The following TENM2 variants were observed in gnomAD, a reference collection of about 807,000 sequenced individuals.
TENM2 encodes teneurin transmembrane protein 2.
A neutral mutation model predicts 245.2 loss-of-function variants in TENM2; 52 were observed. The ratio of observed to expected loss-of-function variants is 0.21; its 90% CI spans 0.17 to 0.27. The LOEUF is 0.27. TENM2 is among the 10% of genes least tolerant of loss of function. The pLI is 1.00. For synonymous variants in TENM2, 1,363 were observed against 1,438.9 expected (o/e 0.95, Z 1.19); for missense variants, 3,046 against 3,666.8 (o/e 0.83, Z 4.37).
At chr5:167,526,952 A>G (rs1468149430) in intron 2 of TENM2, among the ~76,000 whole-genome samples, 13 of 152,048 alleles carry the variant, frequency 8.5e-5, no homozygotes, top group African/African-American at 7.2e-5. Flanking sequence ...CTGACCCACA[A>G]TACATCAAAA....
chr5:168,000,299 G>C (rs1362266363), intron 5 of TENM2, among the ~76,000 whole-genome samples: 1 of 152,132 alleles, frequency 6.6e-6, no homozygotes, highest in African/African-American at 2.4e-5. Flanking sequence ...GTAAATTAGT[G>C]TTATTTCATT....
intron 3 of TENM2, among the ~76,000 whole-genome samples, chr5:167,887,611 A>C (rs1774392246): frequency 6.6e-6 from 1 of 152,214 alleles, no homozygotes. Context: ...GTGAATCCAA[A>C]ATAACAGTTC....
At chr5:167,654,751 A>G (rs1280684356) in intron 2 of TENM2, among the ~76,000 whole-genome samples, 4 of 152,140 alleles carry the variant, frequency 2.6e-5, no homozygotes, top group Non-Finnish European at 5.9e-5. Flanking sequence ...CAGAAATAAC[A>G]TGGAATATGG....
intron 2 of TENM2, among the ~76,000 whole-genome samples, chr5:167,482,871 A>G (rs142379688): frequency 6.6e-6 from 1 of 152,336 alleles, no homozygotes; most frequent in African/African-American, 2.4e-5. Flanking sequence ...GTTAGCAGCA[A>G]TATAATAAAG....
chr5:167,791,896 A>G (rs144732829), intron 2 of TENM2, among the ~76,000 whole-genome samples: 139 of 152,234 alleles, frequency 9.1e-4, no homozygotes, highest in African/African-American at 3.2e-3. Context: ...CAGATGGAAC[A>G]TACATTTTCC....
the TENM2 span, among the ~76,000 whole-genome samples, chr5:167,258,545 T>C: frequency 1.3e-5 from 2 of 152,138 alleles, no homozygotes; most frequent in Non-Finnish European, 2.9e-5. Context: ...GAGGAAGTGA[T>C]GTGGAAGTTC....
chr5:168,219,145 G>A, intron 23 of TENM2, 146 bp downstream of exon 25: 2 of 761,202 alleles, frequency 2.6e-6, no homozygotes, highest in Non-Finnish European at 4.2e-6. Flanking sequence ...AGACATTCAT[G>A]TCCCCTCTCC....
chr5:167,005,060 T>C, the TENM2 span, among the ~76,000 whole-genome samples: 1 of 152,174 alleles, frequency 6.6e-6, no homozygotes, highest in Non-Finnish European at 1.5e-5. Context: ...AGCAATATTT[T>C]TTAAATAAAA....
intron 2 of TENM2, among the ~76,000 whole-genome samples, chr5:167,646,842 A>G (rs144247928): frequency 7.9e-4 from 121 of 152,386 alleles, no homozygotes; most frequent in Non-Finnish European, 1.4e-3. Context: ...GGACGCAGCT[A>G]TAATTCAACT....
the TENM2 span, among the ~76,000 whole-genome samples, chr5:167,171,119 G>A: frequency 0.071 from 10,836 of 152,062 alleles, 1,306 homozygotes; most frequent in African/African-American, 0.25. Context: ...AATGACTGTT[G>A]CCCCTTTGGC....
Position 168,244,465 on chromosome 5 carries a change from C to T in TENM2, c.5566C>T (p.Arg1856Trp), listed in dbSNP as rs779854073. ...GTCCATTGACTATGATCGAAATATT[C>T]GGACTGAAAAGATCTATGATGACCA... The change falls in exon 26 of 29, where the codon CGG becomes TGG. Residue 1856 changes from arginine to tryptophan, a missense_variant. This residue lies in a region of TENM2 where 2,704 missense variants were observed against 3,331.9 expected (regional missense o/e 0.81). Coordinates refer to ENST00000518659, the Ensembl canonical transcript of TENM2. This position sits in a 1 kb window ranked among gnomAD's most constrained non-coding sequence, Gnocchi z 4.9. The T allele has an allele frequency of 8.2e-6, 13 of 1,583,960 alleles. No individual in the cohort carries two copies. Among genetic ancestry groups the T allele is most frequent in the East Asian group, 2.3e-5 (1 of 43,812 alleles).
the TENM2 span, among the ~76,000 whole-genome samples, chr5:167,196,992 T>C: frequency 6.6e-6 from 1 of 151,824 alleles, no homozygotes; most frequent in Non-Finnish European, 1.5e-5. Context: ...TATCTTGCCA[T>C]ACACCTCATG....
the TENM2 span, among the ~76,000 whole-genome samples, chr5:167,173,850 A>C: frequency 2.0e-5 from 3 of 152,134 alleles, no homozygotes; most frequent in Admixed American, 6.6e-5. Flanking sequence ...AGGTTTTCAG[A>C]TAAAAGTAGA....
chr5:167,247,593 G>A, the TENM2 span, among the ~76,000 whole-genome samples: 1 of 152,092 alleles, frequency 6.6e-6, no homozygotes, highest in East Asian at 1.9e-4. Context: ...TAAGATGAGG[G>A]TGCCAGCCTG....
At chr5:167,763,589 T>C (rs1762814711) in intron 2 of TENM2, among the ~76,000 whole-genome samples, 1 of 152,206 alleles carries the variant, frequency 6.6e-6, no homozygotes, top group Non-Finnish European at 1.5e-5. Context: ...TGTCTTCAAT[T>C]GCCCAGCATT....
chr5:168,041,060 G>C (rs1009899897), intron 5 of TENM2, among the ~76,000 whole-genome samples: 1 of 152,064 alleles, frequency 6.6e-6, no homozygotes, highest in Non-Finnish European at 1.5e-5. Context: ...TGTCCTGTTC[G>C]GTCTTGTCTA....
intron 2 of TENM2, among the ~76,000 whole-genome samples, chr5:167,603,353 A>G (rs1470294281): frequency 1.3e-5 from 2 of 152,192 alleles, no homozygotes; most frequent in Non-Finnish European, 2.9e-5. Flanking sequence ...GGAGTTAAAA[A>G]TAGTGTCCAG....
At chr5:167,957,281 T>C (rs956361229) in intron 4 of TENM2, among the ~76,000 whole-genome samples, 1 of 152,210 alleles carries the variant, frequency 6.6e-6, no homozygotes, top group Non-Finnish European at 1.5e-5. Flanking sequence ...TATAGTATTC[T>C]CTGATGGTAG....
rs1194936917 is a variant in TENM2 at position 168,244,736 on chromosome 5, T to C, written c.5817+20T>C. 7.1e-7 allele frequency: 1 copy of C among 1,405,416 alleles called. No individual in the cohort carries two copies. The highest frequency in any genetic ancestry group is 9.4e-7 in the Non-Finnish European group (1 of 1,068,270). The allele number at this position is 1,405,416 out of a possible 1,614,324, so 87.1% of individuals were successfully genotyped here. Reference sequence around the variant, plus strand: ...GACAAGGTAGGTGAACATGCTGCCCTGACAGCAAGGGCTTTCTGTTATTTC... The same window carrying C: ...GACAAGGTAGGTGAACATGCTGCCCCGACAGCAAGGGCTTTCTGTTATTTC... On this transcript the variant is annotated intron_variant, in intron 26 of 28. Transcript: ENST00000518659. This position sits in a 1 kb window ranked among gnomAD's most constrained non-coding sequence, Gnocchi z 4.9.
Sources: gnomAD v4.1 joint callset for allele counts (sites outside exome capture counted in the v4.1 genomes callset) on GRCh38, gnomAD v4.1.1 for gene constraint, gnomAD v4.1.1 regional missense constraint, Gnocchi (gnomAD v3.1) non-coding constraint, MANE v1.5 for transcripts, NCBI Gene and HGNC (gene_info 2026-07-23, HGNC 2026-07-21) for gene names.